UMOD: variants seen among roughly 807,000 people sequenced by gnomAD.
UMOD encodes uromodulin.
In UMOD, 64 loss-of-function variants were observed where a neutral mutation model predicts 66.0. The ratio of observed to expected loss-of-function variants is 0.97; its 90% CI spans 0.79 to 1.19. The LOEUF (loss-of-function observed/expected upper bound fraction) is 1.19, where lower values mean the gene tolerates loss of function less well. UMOD is among the 50% of genes most tolerant of loss of function. UMOD has a pLI of 0.00. For missense variants in UMOD, 764 were observed against 850.9 expected (o/e 0.90, Z 1.27); for synonymous variants, 398 against 352.7 (o/e 1.13, Z -1.44).
chr16:20,334,654 G>T (rs1441117391), intron 10 of UMOD, among the ~76,000 whole-genome samples: 1 of 152,044 alleles, frequency 6.6e-6, no homozygotes, highest in African/African-American at 2.4e-5. Context: ...GGCACTCCAG[G>T]CATTTCCATA....
intron 7 of UMOD, among the ~76,000 whole-genome samples, chr16:20,340,690 T>C (rs1480867503): frequency 6.6e-6 from 1 of 151,898 alleles, no homozygotes; most frequent in Non-Finnish European, 1.5e-5. Context: ...TAAAGGGTAA[T>C]GAATATAAAG....
intron 1 of UMOD, chr16:20,351,189 G>A (rs1217636288): frequency 4.0e-6 from 1 of 250,384 alleles, no homozygotes; most frequent in Non-Finnish European, 7.8e-6. Context: ...CTTTCAATTT[G>A]CCTGGATCAC....
At chr16:20,341,423 C>T (rs1965211691) in intron 6 of UMOD, 87 bp from the exon 7 acceptor site, 1 of 1,591,960 alleles carries the variant, frequency 6.3e-7, no homozygotes, top group Non-Finnish European at 8.5e-7. Context: ...CCTAGGCAGT[C>T]CCTTGCAGTT....
Position 20,337,383 on chromosome 16 carries a change from C to T in UMOD, c.1648G>A (p.Val550Ile), listed in dbSNP as rs188709583. 2.0e-4 allele frequency: 320 copies of T among 1,614,124 alleles called. No individual in the cohort carries two copies. Among genetic ancestry groups the T allele is most frequent in the Non-Finnish European group, 2.5e-4 (294 of 1,180,028 alleles). The stretch of plus-strand genomic sequence containing the variant: ...TTTCCAGCAAACCGGAACATCTGGA[C>T]GGAAAATCGGCCCTGGGAGGACTCC... ...NGESSQGRFS[V>I]QMFRFAGNYD... Residue 550 changes from valine to isoleucine, a missense_variant, in exon 8 of 11, where the codon GTC becomes ATC. Physicochemically the swap from Val to Ile is conservative, Grantham distance 29. Coordinates refer to ENST00000396138, the MANE Select transcript of UMOD (RefSeq NM_003361.4).
At chr16:20,343,916 A>G (rs570185825) in intron 6 of UMOD, 108 bp downstream of exon 6, 232 of 1,383,124 alleles carry the variant, frequency 1.7e-4, no homozygotes, top group Admixed American at 5.1e-4. Context: ...CCTGATTCCC[A>G]GCCCTCACTC....
intron 10 of UMOD, among the ~76,000 whole-genome samples, chr16:20,335,151 A>G (rs1421863386): frequency 6.6e-6 from 1 of 152,152 alleles, no homozygotes; most frequent in Non-Finnish European, 1.5e-5. Context: ...GAATGAATCT[A>G]GAAAAAAGTG....
At chr16:20,337,217 A>G in intron 8 of UMOD, 74 bp downstream of exon 8, 5 of 1,574,434 alleles carry the variant, frequency 3.2e-6, no homozygotes. Flanking sequence ...CAGGGAAGAA[A>G]TATTGATTTG....
chr16:20,348,809 C>T lies in UMOD; in HGVS notation c.492G>A (p.Glu164=). The change falls in exon 3 of 11, where the codon GAG becomes GAA. Residue 164 remains glutamate, a synonymous_variant. Transcript: ENST00000396138. ...SCGPGLDCVP[E]GDALVCADPC... The stretch of plus-strand genomic sequence containing the variant: ...GATCCGCGCACACGAGCGCGTCGCC[C>T]TCGGGCACGCAGTCCAACCCCGGCC... 1 of 1,545,510 alleles carries T rather than the reference C, an allele frequency of 6.5e-7. No homozygotes were observed. The highest frequency in any genetic ancestry group is 2.0e-5 in the Admixed American group (1 of 50,980).
rs1964683381 is a variant in UMOD at position 20,333,173 on chromosome 16, A to G, written c.*141T>C. On this transcript the variant is annotated 3_prime_UTR_variant, in exon 11 of 11. Transcript: ENST00000396138. ...AGACACAGGCTGTTTCTCGACAGCCAGGATTAAAAGGGAGAAAAGAAGGCA... is the reference window on the plus strand; with the variant it reads ...AGACACAGGCTGTTTCTCGACAGCCGGGATTAAAAGGGAGAAAAGAAGGCA... 1.1e-6 allele frequency: 1 copy of G among 876,556 alleles called. No individual in the cohort carries two copies. Among genetic ancestry groups the G allele is most frequent in the South Asian group, 1.4e-5 (1 of 69,462 alleles). 54.3% of individuals were successfully genotyped at this position (876,556 alleles called of 1,614,324 possible).
chr16:20,334,601 G>T (rs1007431585), intron 10 of UMOD, among the ~76,000 whole-genome samples: 1 of 152,066 alleles, frequency 6.6e-6, no homozygotes, highest in African/African-American at 2.4e-5. Context: ...GTACTATTGG[G>T]ACACAGCATA....
intron 4 of UMOD, among the ~76,000 whole-genome samples, chr16:20,347,694 G>T (rs1427301637): frequency 5.3e-5 from 8 of 152,160 alleles, no homozygotes; most frequent in Non-Finnish European, 1.0e-4. Flanking sequence ...GTGAACCAGG[G>T]TGCCAATTGT....
rs1179239538 is a variant in UMOD at position 20,337,362 on chromosome 16, C to T, written c.1669G>A (p.Gly557Arg). 1 of 1,614,214 alleles carries T rather than the reference C, an allele frequency of 6.2e-7. No homozygotes were observed. Among genetic ancestry groups the T allele is most frequent in the Admixed American group, 1.7e-5 (1 of 60,028 alleles). The change falls in exon 8 of 11, where the codon GGA becomes AGA. Residue 557 changes from glycine (G) to arginine (R), a missense_variant. Coordinates refer to ENST00000396138, the MANE Select transcript of UMOD (RefSeq NM_003361.4). Reference protein sequence around the residue: ...RFSVQMFRFAGNYDLVYLHCE... With the variant: ...RFSVQMFRFARNYDLVYLHCE... Reference sequence around the variant, plus strand: ...TGCAGGTAGACTAGGTCATAGTTTCCAGCAAACCGGAACATCTGGACGGAA... The same window carrying T: ...TGCAGGTAGACTAGGTCATAGTTTCTAGCAAACCGGAACATCTGGACGGAA...
At chr16:20,345,533 T>TTCCTTCCTTCCTTCCTTCCC (rs1965531086) in intron 5 of UMOD, among the ~76,000 whole-genome samples, 1 of 120,958 alleles carries the variant, frequency 8.3e-6, no homozygotes, top group Non-Finnish European at 1.7e-5. Flanking sequence ...CCTTCCTTCC[T>TTCCTTCCTTCCTTCCTTCCC]TCCCTCTCTC....
rs1053822034 is a variant in UMOD at position 20,350,542 on chromosome 16, G to A, written c.88+108C>T. On this transcript the variant is annotated intron_variant, in intron 2 of 10. Transcript: ENST00000396138. ...TGAAGACAATGCAAGTCTCAAGTGC[G>A]ATAGGAGGATTGAGATCACCTCTGA... 7.0e-5 allele frequency: 94 copies of A among 1,347,274 alleles called. 1 individual carries two copies. In the Middle Eastern group the frequency reaches 1.4e-3, roughly 21 times the overall value. 83.5% of individuals were successfully genotyped at this position (1,347,274 alleles called of 1,614,324 possible).
In UMOD at chr16:20,344,024, C is replaced by A; in HGVS notation, c.1331G>T (p.Ser444Ile). 6.2e-7 allele frequency: 1 copy of A among 1,613,588 alleles called. No homozygotes were observed. Among genetic ancestry groups the A allele is most frequent in the Non-Finnish European group, 8.5e-7 (1 of 1,180,018 alleles). ...CCCTAGGGACCCTCTCTGGCCACAC[C>A]TGACCATTGGCTGTAGGGCGGTCTT... ...SLKTALQPMV[S>I]ALNIRVGGTG... is the part of the protein sequence containing the mutation. Residue 444 changes from serine to isoleucine, a missense_variant and splice_region_variant, in exon 6 of 11, where the codon AGT (serine) becomes ATT (isoleucine). Transcript: ENST00000396138.
intron 2 of UMOD, among the ~76,000 whole-genome samples, chr16:20,349,509 C>T: frequency 6.6e-6 from 1 of 152,250 alleles, no homozygotes; most frequent in East Asian, 1.9e-4. Flanking sequence ...CCATAGCCTC[C>T]AATTCCTGGG....
chr16:20,349,418 T>C (rs1965779111), intron 2 of UMOD, among the ~76,000 whole-genome samples: 1 of 152,376 alleles, frequency 6.6e-6, no homozygotes, highest in African/African-American at 2.4e-5. Flanking sequence ...TTTCATTGTA[T>C]TTTTTAACTT....
At chr16:20,334,225 G>A (rs577240823) in intron 10 of UMOD, among the ~76,000 whole-genome samples, 3 of 152,144 alleles carry the variant, frequency 2.0e-5, no homozygotes, top group Non-Finnish European at 4.4e-5. Flanking sequence ...GAGAAGTGGG[G>A]GTTCTTGTTT....
chr16:20,345,442 C>CTTTCTTTCTTTCTCTTTCTTTCT (rs773200268), intron 5 of UMOD, among the ~76,000 whole-genome samples: 19 of 41,616 alleles, frequency 4.6e-4, no homozygotes, highest in African/African-American at 1.2e-3. Flanking sequence ...TTCTTTCTTT[C>CTTTCTTTCTTTCTCTTTCTTTCT]TTCCTTTCTT....
Sources: allele counts gnomAD v4.1 joint callset (sites outside exome capture counted in the v4.1 genomes callset), GRCh38; gene constraint gnomAD v4.1.1; transcripts MANE v1.5; gene names NCBI Gene and HGNC (gene_info 2026-07-23, HGNC 2026-07-21).